Variants in GSE1 observed in about 807,000 individuals in gnomAD.
GSE1 encodes Gse1 coiled-coil protein, also known as genetic suppressor element 1.
Under a neutral mutation model 112.6 loss-of-function variants are expected in GSE1, and 32 were observed. That is an observed-to-expected ratio of 0.28 (90% CI 0.21 to 0.38). GSE1 has a LOEUF of 0.38. Ranked by LOEUF, GSE1 falls within the 10% of genes least tolerant of loss-of-function variation. The pLI, the probability that GSE1 is intolerant of heterozygous loss-of-function variation, is 1.00. For synonymous variants in GSE1, 1,115 were observed against 735.6 expected (o/e 1.52, Z -8.35); for missense variants, 2,348 against 1,699.2 (o/e 1.38, Z -6.71).
In GSE1 at chr16:85,663,448, C is replaced by A. The variant is rs1162214367; in HGVS notation, c.2478C>A (p.Ser826Arg). The A allele has an allele frequency of 6.2e-7, 1 of 1,613,776 alleles. No homozygotes were observed. The highest frequency in any genetic ancestry group is 1.3e-5 in the African/African-American group (1 of 74,912). ...RKRRRMLRERSPSPPTIQSKR... is the reference protein window; with the variant it reads ...RKRRRMLRERRPSPPTIQSKR... ...GGCGGAGGATGCTGCGAGAGAGAAG[C>A]CCGTCGCCCCCAACAATTCAGAGCA... Residue 826 changes from serine to arginine, a missense_variant, in exon 11 of 16, where the codon AGC becomes AGA. By Grantham distance (110) the Ser-to-Arg change is moderately radical (BLOSUM62 -1). Transcript: ENST00000253458.
chr16:85,542,648 C>G (rs2044561919), intron 2 of GSE1, among the ~76,000 whole-genome samples: 1 of 152,252 alleles, frequency 6.6e-6, no homozygotes, highest in African/African-American at 2.4e-5. Context: ...GTGCTCTGGC[C>G]TTGGTGCTGT....
chr16:85,423,723 CCTCT>C (rs56132346), intron 2 of GSE1, among the ~76,000 whole-genome samples: 1 of 151,730 alleles, frequency 6.6e-6, no homozygotes, highest in African/African-American at 2.4e-5. Flanking sequence ...AGCGTGTATC[CCTCT>C]CTCTGTCGCC....
chr16:85,510,999 G>C (rs748624040), intron 2 of GSE1, among the ~76,000 whole-genome samples: 1 of 152,176 alleles, frequency 6.6e-6, no homozygotes, highest in East Asian at 1.9e-4. Context: ...ACTTGCATGC[G>C]TTGCTCTTTA....
intron 1 of GSE1, among the ~76,000 whole-genome samples, chr16:85,221,307 A>C (rs2075387263): frequency 7.3e-6 from 1 of 137,340 alleles, no homozygotes; most frequent in African/African-American, 2.7e-5. Context: ...ACACTTCCCT[A>C]GCGCGCACAC....
rs529018842 is a variant in GSE1, at chr16:85,265,078, G to A, written c.2284-92385G>A. ...CATGTTGTAAGTACGCAGTAAACGC[G>A]CACTCTTATCACTGCAATGGCGGGG... On this transcript the variant is annotated intron_variant, in intron 1 of 2. Transcript: ENST00000637419. Among the ~76,000 whole-genome samples the A allele has an allele frequency of 3.8e-4, 58 of 152,342 alleles. 1 individual carries two copies. The highest frequency in any genetic ancestry group is 3.1e-3 in the South Asian group (15 of 4,832).
Position 85,645,105 on chromosome 16 carries a change from G to A in GSE1, c.227-3447G>A, listed in dbSNP as rs867314595. ...CCTCCTCAGGTGGATCTAGTAGCCC[G>A]CCGGCACAGTGCCCAGTCCCAGGTG... On this transcript the variant is annotated intron_variant, in intron 2 of 15. Transcript: ENST00000253458. Among the ~76,000 whole-genome samples the A allele has an allele frequency of 7.3e-5, 11 of 151,076 alleles. No individual in the cohort carries two copies. In the East Asian group the frequency reaches 7.8e-4, roughly 11 times the overall value.
chr16:85,473,099 G>C (rs1333428913), intron 2 of GSE1, among the ~76,000 whole-genome samples: 1 of 152,256 alleles, frequency 6.6e-6, no homozygotes, highest in East Asian at 1.9e-4. Flanking sequence ...GAGGACATTT[G>C]AATGGAGATC....
At chr16:85,565,693 C>T (rs2045718068) in intron 1 of GSE1, among the ~76,000 whole-genome samples, 1 of 152,164 alleles carries the variant, frequency 6.6e-6, no homozygotes, top group African/African-American at 2.4e-5. Flanking sequence ...AGTGAGAGAA[C>T]AGGCCTGACC....
chr16:85,331,681 G>A (rs1446452323), intron 1 of GSE1, among the ~76,000 whole-genome samples: 1 of 48,168 alleles, frequency 2.1e-5, no homozygotes, highest in African/African-American at 8.6e-5. Flanking sequence ...GTGTGTGTGT[G>A]TGTGTATATA....
chr16:85,227,233 C>G (rs996104933), intron 1 of GSE1, among the ~76,000 whole-genome samples: 3 of 152,176 alleles, frequency 2.0e-5, no homozygotes, highest in African/African-American at 4.8e-5. Context: ...TCAGAGAGCT[C>G]CAGTCTGGTT....
At position 85,634,307 on chromosome 16, in the gene GSE1, C is replaced by T. The variant is rs574228254; in HGVS notation, c.226+175C>T. On this transcript the variant is annotated intron_variant, in intron 2 of 15. Transcript: ENST00000253458. ...CAGACCCTGGGCCAGTCCGCCTGCC[C>T]CAGCACCTCCGCTTTGCCTCTGTGC... Among the ~76,000 whole-genome samples the T allele has an allele frequency of 2.0e-4, 30 of 152,356 alleles. No homozygotes were observed. The South Asian group carries it at 5.6e-3, about 28-fold the overall frequency.
intron 2 of GSE1, among the ~76,000 whole-genome samples, chr16:85,647,806 C>G (rs977874977): frequency 1.3e-5 from 2 of 152,168 alleles, no homozygotes; most frequent in East Asian, 1.9e-4. Flanking sequence ...AGGATGGTCT[C>G]GAACTCCTGA....
chr16:85,256,119 T>G (rs1014841343), intron 1 of GSE1, among the ~76,000 whole-genome samples: 1 of 151,984 alleles, frequency 6.6e-6, no homozygotes, highest in Admixed American at 6.6e-5. Flanking sequence ...ACAGTGCCGG[T>G]TTTTCTGGTT....
chr16:85,410,915 GC>G (rs2048512635), intron 2 of GSE1, among the ~76,000 whole-genome samples: 1 of 92,034 alleles, frequency 1.1e-5, no homozygotes, highest in Non-Finnish European at 1.9e-5. Flanking sequence ...TACACTCAGG[GC>G]CCCCCTGGAT....
intron 2 of GSE1, among the ~76,000 whole-genome samples, chr16:85,441,100 T>G (rs4783204): frequency 1.3e-5 from 2 of 152,120 alleles, no homozygotes; most frequent in South Asian, 4.2e-4. Context: ...CTTCAGGGAA[T>G]TCCCTGGGGG....
chr16:85,650,446 C>T (rs527712096), intron 3 of GSE1, among the ~76,000 whole-genome samples: 2 of 152,300 alleles, frequency 1.3e-5, no homozygotes, highest in African/African-American at 4.8e-5. Flanking sequence ...CCAGCCAGGA[C>T]CCTGCACCCA....
chr16:85,312,214 G>GGGAC (rs1165570042), intron 1 of GSE1, among the ~76,000 whole-genome samples: 1 of 147,862 alleles, frequency 6.8e-6, no homozygotes, highest in Non-Finnish European at 1.5e-5. Flanking sequence ...CGGGGGGGGG[G>GGGAC]GGGACACACT....
chr16:85,615,092 C>T (rs1485653391), intron 1 of GSE1, among the ~76,000 whole-genome samples: 2 of 152,220 alleles, frequency 1.3e-5, no homozygotes, highest in Non-Finnish European at 2.9e-5. Flanking sequence ...CCTGGCCTCC[C>T]TCGGTGTTGC....
chr16:85,563,387 A>G (rs2045608968), intron 1 of GSE1, among the ~76,000 whole-genome samples: 1 of 152,018 alleles, frequency 6.6e-6, no homozygotes, highest in Non-Finnish European at 1.5e-5. Context: ...GGGAAAATGT[A>G]TTTTTCCGGC....
Sources: gnomAD v4.1 joint callset for allele counts (sites outside exome capture counted in the v4.1 genomes callset) on GRCh38, gnomAD v4.1.1 for gene constraint, MANE v1.5 for transcripts, NCBI Gene and HGNC (gene_info 2026-07-23, HGNC 2026-07-21) for gene names.